Variants in PRKN observed in about 807,000 individuals in gnomAD.
PRKN encodes E3 ubiquitin-protein ligase parkin.
PRKN carries 56 observed loss-of-function variants against 59.5 expected under a neutral mutation model. The observed-to-expected ratio is 0.94, with a 90% CI of 0.76 to 1.18. The LOEUF is 1.18. Among genes scored for constraint, PRKN ranks in the 50% most tolerant of loss-of-function variants. The probability of loss-of-function intolerance (pLI) is 0.00; values close to 1 mark genes in which losing one functional copy is unlikely to be tolerated. For synonymous variants in PRKN, 250 were observed against 222.1 expected, an observed-to-expected ratio of 1.13 and a Z score of -1.12; for missense variants, 657 against 596.4, an observed-to-expected ratio of 1.10 and a Z score of -1.06.
At chr6:162,114,248 GA>G (rs1471958031) in intron 4 of PRKN, among the ~76,000 whole-genome samples, 1 of 151,996 alleles carries the variant, frequency 6.6e-6, no homozygotes, top group East Asian at 1.9e-4. Flanking sequence ...CCAATTCTGT[GA>G]AGAAAGTCAT....
intron 6 of PRKN, among the ~76,000 whole-genome samples, chr6:161,846,575 A>T (rs1793206308): frequency 6.6e-6 from 1 of 151,336 alleles, no homozygotes; most frequent in South Asian, 2.1e-4. Flanking sequence ...TATCCAAAGG[A>T]TTACATCATA....
At chr6:161,655,128 CACCA>C (rs1784292055) in intron 7 of PRKN, among the ~76,000 whole-genome samples, 1 of 141,600 alleles carries the variant, frequency 7.1e-6, no homozygotes. Context: ...GGCCCCTCAT[CACCA>C]GCAAGGTGCC....
intron 1 of PRKN, among the ~76,000 whole-genome samples, chr6:162,470,306 G>A (rs1171225631): frequency 2.0e-5 from 3 of 152,170 alleles, no homozygotes; most frequent in South Asian, 2.1e-4. Context: ...ATGGCTAGGC[G>A]CTGTTTTAGG....
chr6:162,666,689 T>TAA (rs1226108656), intron 1 of PRKN, among the ~76,000 whole-genome samples: 3 of 152,158 alleles, frequency 2.0e-5, no homozygotes, highest in Non-Finnish European at 4.4e-5. Context: ...TATGTCAAGG[T>TAA]TTAAAAATAG....
At chr6:162,469,311 TGAA>T (rs1428304120) in intron 1 of PRKN, among the ~76,000 whole-genome samples, 3 of 116,984 alleles carry the variant, frequency 2.6e-5, no homozygotes, top group African/African-American at 1.0e-4. Context: ...CTGACACTAA[TGAA>T]GAATTTGTGG....
At chr6:162,163,267 T>C (rs1782838164) in intron 4 of PRKN, among the ~76,000 whole-genome samples, 1 of 149,158 alleles carries the variant, frequency 6.7e-6, no homozygotes, top group Non-Finnish European at 1.5e-5. Flanking sequence ...TCTCACTTAT[T>C]AAACGGCATC....
At chr6:161,846,698 G>A (rs1025773562) in intron 6 of PRKN, among the ~76,000 whole-genome samples, 1 of 152,080 alleles carries the variant, frequency 6.6e-6, no homozygotes, top group East Asian at 1.9e-4. Flanking sequence ...TGGGAGACTC[G>A]GGTCTTGTGT....
At chr6:162,499,643 T>G (rs796118403) in intron 1 of PRKN, among the ~76,000 whole-genome samples, 3 of 152,298 alleles carry the variant, frequency 2.0e-5, no homozygotes, top group African/African-American at 7.2e-5. Flanking sequence ...AAATTAATCT[T>G]TTTGTGCAAC....
At chr6:161,659,663 G>A (rs2207397) in intron 7 of PRKN, among the ~76,000 whole-genome samples, 39,407 of 151,782 alleles carry the variant, frequency 0.26, 5,380 homozygotes, top group African/African-American at 0.36. Context: ...AAAGCAGGTG[G>A]GCAACGGCCC....
At chr6:162,601,037 T>C (rs922332692) in intron 1 of PRKN, among the ~76,000 whole-genome samples, 1 of 152,142 alleles carries the variant, frequency 6.6e-6, no homozygotes, top group African/African-American at 2.4e-5. Context: ...AAATTATAAA[T>C]TACAGAAGTT....
At position 161,446,304 on chromosome 6, in the gene PRKN, G is replaced by C. The variant is rs58081890; in HGVS notation, c.1084-59427C>G. ...TTGGAGGCTGCCTGGGGCTGAGCAG[G>C]GAGCACCATGCTTGTAGGCCTTTGG... On this transcript the variant is annotated intron_variant, in intron 9 of 11. Transcript: ENST00000366898. The surrounding 1 kb of genome is among the most constrained non-coding windows in gnomAD (Gnocchi z 6.2). 0.012 allele frequency among the ~76,000 whole-genome samples: 1,861 copies of C among 152,258 alleles called. 37 individuals carry two copies. The highest frequency in any genetic ancestry group is 0.043 in the African/African-American group (1,785 of 41,544).
At chr6:162,343,235 A>AG (rs1352322385) in intron 2 of PRKN, among the ~76,000 whole-genome samples, 2 of 152,222 alleles carry the variant, frequency 1.3e-5, no homozygotes, top group Non-Finnish European at 2.9e-5. Context: ...CACAGGTATA[A>AG]GACTGTTAAC....
chr6:161,450,358 C>T (rs765291567), intron 9 of PRKN, among the ~76,000 whole-genome samples: 23 of 152,184 alleles, frequency 1.5e-4, no homozygotes, highest in African/African-American at 2.9e-4. Flanking sequence ...TCCCATGTTG[C>T]GAAGCTCCAT....
intron 4 of PRKN, among the ~76,000 whole-genome samples, chr6:162,100,689 C>G (rs1244627514): frequency 6.6e-6 from 1 of 152,088 alleles, no homozygotes; most frequent in South Asian, 2.1e-4. Flanking sequence ...TGATCTGTCC[C>G]CTTCAGCCTC....
chr6:162,326,957 C>G (rs1783314819), intron 2 of PRKN, among the ~76,000 whole-genome samples: 2 of 152,150 alleles, frequency 1.3e-5, no homozygotes, highest in African/African-American at 4.8e-5. Flanking sequence ...AAATTTTTCT[C>G]TAACTCTACC....
At chr6:161,662,799 AC>A (rs1784594202) in intron 7 of PRKN, among the ~76,000 whole-genome samples, 1 of 152,172 alleles carries the variant, frequency 6.6e-6, no homozygotes, top group Admixed American at 6.5e-5. Context: ...TGGAGCACCC[AC>A]AGCAGGGTCT....
Position 161,386,904 on chromosome 6 carries a change from T to C in PRKN, c.1084-27A>G. 6.4e-7 allele frequency: 1 copy of C among 1,565,510 alleles called. No individual in the cohort carries two copies. Among genetic ancestry groups the C allele is most frequent in the Non-Finnish European group, 8.8e-7 (1 of 1,135,632 alleles). On this transcript the variant is annotated intron_variant, in intron 9 of 11. Coordinates refer to ENST00000366898, the MANE Select transcript of PRKN (RefSeq NM_004562.3). The surrounding 1 kb of genome is among the most constrained non-coding windows in gnomAD (Gnocchi z 4.3). ...TGCAAAAGAACACACATCCATTAAT[T>C]AGGGACATTAGGTTGCATTTGGCAA... is the stretch of plus-strand genomic sequence containing the variant.
chr6:162,367,768 G>A (rs1271724457), intron 2 of PRKN, among the ~76,000 whole-genome samples: 1 of 151,964 alleles, frequency 6.6e-6, no homozygotes, highest in African/African-American at 2.4e-5. Context: ...AGAGCAGAAA[G>A]AGAAAAAAAG....
At chr6:162,501,371 A>G (rs1329427757) in intron 1 of PRKN, among the ~76,000 whole-genome samples, 2 of 147,674 alleles carry the variant, frequency 1.4e-5, no homozygotes, top group Non-Finnish European at 3.0e-5. Flanking sequence ...TTTTTGAGAC[A>G]CAGTTTAACT....
Sources: gnomAD v4.1 joint callset for allele counts (sites outside exome capture counted in the v4.1 genomes callset) on GRCh38, gnomAD v4.1.1 for gene constraint, Gnocchi (gnomAD v3.1) non-coding constraint, MANE v1.5 for transcripts, NCBI Gene and HGNC (gene_info 2026-07-23, HGNC 2026-07-21) for gene names.